KCNMB2: variants seen among roughly 807,000 people sequenced by gnomAD.
KCNMB2 encodes calcium-activated potassium channel subunit beta-2.
KCNMB2 carries 9 observed loss-of-function variants against 24.5 expected under a neutral mutation model. The observed-to-expected ratio is 0.37, with a 90% CI of 0.22 to 0.64. The LOEUF (loss-of-function observed/expected upper bound fraction) is 0.64, where lower values mean the gene tolerates loss of function less well. Ranked by LOEUF, KCNMB2 falls within the 30% of genes least tolerant of loss-of-function variation. The pLI, the probability that KCNMB2 is intolerant of heterozygous loss-of-function variation, is 0.63. For synonymous variants in KCNMB2, 109 were observed against 104.4 expected (o/e 1.04, Z -0.27); for missense variants, 226 against 284.3 (o/e 0.79, Z 1.47).
At position 178,725,718 on chromosome 3, in the gene KCNMB2, T is replaced by C. The variant is rs527334882; in HGVS notation, c.-67-81625T>C. ...TTAAAAAGGAATATTTCATGTGCTG[T>C]TATTCGATGGAATGTTGTCAGATAT... On this transcript the variant is annotated intron_variant, in intron 1 of 4. Transcript: ENST00000452583. Among the ~76,000 whole-genome samples, 3 of 152,166 alleles carry C rather than the reference T, an allele frequency of 2.0e-5. No individual in the cohort carries two copies. In the South Asian group the frequency reaches 6.2e-4, roughly 31 times the overall value.
In KCNMB2 at chr3:178,828,294, A is replaced by G. The variant is rs774075687; in HGVS notation, c.344A>G (p.Gln115Arg). The G allele has an allele frequency of 2.4e-5, 39 of 1,613,800 alleles. No individual in the cohort carries two copies. Among genetic ancestry groups the G allele is most frequent in the Non-Finnish European group, 3.0e-5 (35 of 1,179,850 alleles). The change falls in exon 4 of 5, where the codon CAG becomes CGG. Residue 115 changes from glutamine to arginine, a missense_variant. By Grantham distance (43) the Gln-to-Arg change is conservative. Transcript: ENST00000452583. ...CWKLSQYPCL[Q>R]VYVNLTSSGE... ...AAACTTTCTCAGTACCCCTGCCTCCAGGTGTACGTTAACCTGACTTCTTCC... is the reference window on the plus strand; with the variant it reads ...AAACTTTCTCAGTACCCCTGCCTCCGGGTGTACGTTAACCTGACTTCTTCC...
intron 3 of KCNMB2, among the ~76,000 whole-genome samples, chr3:178,827,026 G>C (rs367796659): frequency 6.6e-6 from 1 of 152,148 alleles, no homozygotes; most frequent in African/African-American, 2.4e-5. Flanking sequence ...GAGGGGATCA[G>C]GTCTAGTATC....
intron 1 of KCNMB2, among the ~76,000 whole-genome samples, chr3:178,666,667 A>C (rs1156455824): frequency 6.6e-6 from 1 of 152,194 alleles, no homozygotes; most frequent in African/African-American, 2.4e-5. Flanking sequence ...TTAATTCCAA[A>C]AAGATCTGTT....
At chr3:178,595,457 A>T (rs1717833389) in intron 1 of KCNMB2, among the ~76,000 whole-genome samples, 1 of 151,924 alleles carries the variant, frequency 6.6e-6, no homozygotes, top group Non-Finnish European at 1.5e-5. Context: ...TCTCCACCCA[A>T]ATCTTATCTT....
intron 1 of KCNMB2, among the ~76,000 whole-genome samples, chr3:178,668,083 C>T (rs115864405): frequency 2.4e-3 from 371 of 152,282 alleles, no homozygotes; most frequent in African/African-American, 8.3e-3. Flanking sequence ...ATTAATAAGA[C>T]AAAGATCCTT....
chr3:178,812,066 T>C (rs1714213517), intron 2 of KCNMB2, among the ~76,000 whole-genome samples: 2 of 152,130 alleles, frequency 1.3e-5, no homozygotes, highest in Admixed American at 6.5e-5. Context: ...TCATACCTCT[T>C]ACCATTTTTC....
intron 1 of KCNMB2, among the ~76,000 whole-genome samples, chr3:178,782,507 A>G (rs1712899818): frequency 6.7e-6 from 1 of 150,274 alleles, no homozygotes; most frequent in African/African-American, 2.4e-5. Flanking sequence ...ATGGTATCTC[A>G]TTGTGGTTTT....
chr3:178,637,037 CT>C (rs139630807), intron 1 of KCNMB2, among the ~76,000 whole-genome samples: 2 of 151,740 alleles, frequency 1.3e-5, no homozygotes, highest in African/African-American at 2.4e-5. Flanking sequence ...TGCTCTCATT[CT>C]TTTTTTTGTG....
chr3:178,768,655 G>A (rs1712222330), intron 1 of KCNMB2, among the ~76,000 whole-genome samples: 1 of 152,116 alleles, frequency 6.6e-6, no homozygotes, highest in South Asian at 2.1e-4. Context: ...TTACTCTCAG[G>A]ACACCTGCTT....
chr3:178,611,444 C>T (rs1718480047), intron 1 of KCNMB2, among the ~76,000 whole-genome samples: 1 of 152,176 alleles, frequency 6.6e-6, no homozygotes, highest in South Asian at 2.1e-4. Flanking sequence ...GTGGCTCACG[C>T]CTGTAATCCC....
intron 1 of KCNMB2, among the ~76,000 whole-genome samples, chr3:178,594,767 G>T (rs1230392496): frequency 4.6e-5 from 7 of 151,886 alleles, no homozygotes; most frequent in Non-Finnish European, 8.8e-5. Flanking sequence ...TAAAAAAGAG[G>T]AATGTTAACA....
intron 1 of KCNMB2, among the ~76,000 whole-genome samples, chr3:178,564,069 G>T (rs1414522858): frequency 6.6e-6 from 1 of 152,006 alleles, no homozygotes; most frequent in Non-Finnish European, 1.5e-5. Context: ...CACGAGGTCA[G>T]GAGTTCGAGA....
chr3:178,741,163 T>G (rs975474756), intron 1 of KCNMB2, among the ~76,000 whole-genome samples: 2 of 152,206 alleles, frequency 1.3e-5, no homozygotes, highest in Non-Finnish European at 2.9e-5. Flanking sequence ...CAGAGTGTGT[T>G]TGGAGATGAA....
At chr3:178,752,249 GGAATAGCAAT>G (rs1470323500) in intron 1 of KCNMB2, among the ~76,000 whole-genome samples, 1 of 152,198 alleles carries the variant, frequency 6.6e-6, no homozygotes, top group Non-Finnish European at 1.5e-5. Context: ...AGAATTGTTA[GGAATAGCAAT>G]GAATTTTAGC....
chr3:178,579,271 T>C (rs1258104639), intron 1 of KCNMB2, among the ~76,000 whole-genome samples: 1 of 151,954 alleles, frequency 6.6e-6, no homozygotes, highest in African/African-American at 2.4e-5. Context: ...TAAATGACTA[T>C]TAGGTAAAAA....
chr3:178,704,433 A>T (rs1256744172), intron 1 of KCNMB2, among the ~76,000 whole-genome samples: 1 of 152,186 alleles, frequency 6.6e-6, no homozygotes, highest in Non-Finnish European at 1.5e-5. Context: ...AAACAAGGCT[A>T]AATTAATTAA....
chr3:178,616,439 TG>T (rs1718708877), intron 1 of KCNMB2, among the ~76,000 whole-genome samples: 1 of 152,200 alleles, frequency 6.6e-6, no homozygotes, highest in Non-Finnish European at 1.5e-5. Context: ...GGTTCTCTTC[TG>T]GTCTAACAGG....
intron 1 of KCNMB2, among the ~76,000 whole-genome samples, chr3:178,731,479 T>C (rs114599195): frequency 0.021 from 3,200 of 152,296 alleles, 52 homozygotes; most frequent in Non-Finnish European, 0.032. Flanking sequence ...TTGTCCCTGA[T>C]TGAGAACCAC....
At chr3:178,823,617 A>G (rs778701177) in intron 2 of KCNMB2, among the ~76,000 whole-genome samples, 1 of 152,048 alleles carries the variant, frequency 6.6e-6, no homozygotes, top group Non-Finnish European at 1.5e-5. Flanking sequence ...GTACATACAC[A>G]CTCCATCACC....
Sources: allele counts gnomAD v4.1 joint callset (sites outside exome capture counted in the v4.1 genomes callset), GRCh38; gene constraint gnomAD v4.1.1; transcripts MANE v1.5; gene names NCBI Gene and HGNC (gene_info 2026-07-23, HGNC 2026-07-21).